Variants in ZRANB3 observed in about 807,000 individuals in gnomAD.
The protein encoded by ZRANB3 is zinc finger RANBP2-type containing 3.
Under a neutral mutation model 133.8 loss-of-function variants are expected in ZRANB3, and 125 were observed. The observed-to-expected ratio is 0.93, with a 90% confidence interval of 0.81 to 1.08. The LOEUF (loss-of-function observed/expected upper bound fraction) is 1.08. Among genes scored for constraint, ZRANB3 ranks in the 50% least tolerant of loss-of-function variants. The pLI, the probability that ZRANB3 is intolerant of heterozygous loss-of-function variation, is 0.00. For synonymous variants in ZRANB3, 387 were observed against 432.7 expected, an observed-to-expected ratio of 0.89 and a Z score of 1.31; for missense variants, 1,229 against 1,275.5, an observed-to-expected ratio of 0.96 and a Z score of 0.56.
chr2:135,209,677 T>C (rs1057484042), intron 17 of ZRANB3, among the ~76,000 whole-genome samples: 2 of 152,218 alleles, frequency 1.3e-5, no homozygotes, highest in African/African-American at 4.8e-5. Flanking sequence ...GTTGGTAAAA[T>C]GCAATTACCT....
chr2:135,404,600 A>G (rs1412328685), intron 2 of ZRANB3, among the ~76,000 whole-genome samples: 1 of 152,180 alleles, frequency 6.6e-6, no homozygotes, highest in East Asian at 1.9e-4. Context: ...AATACAGAGA[A>G]TGCTACAAAG....
At chr2:135,293,608 C>T (rs1182537493) in intron 8 of ZRANB3, among the ~76,000 whole-genome samples, 1 of 151,940 alleles carries the variant, frequency 6.6e-6, no homozygotes, top group African/African-American at 2.4e-5. Flanking sequence ...GCCTCATTGC[C>T]CTGGCCAGAA....
At position 135,230,930 on chromosome 2, in the gene ZRANB3, A is replaced by G; in HGVS notation, c.1540-3T>C. On this transcript the variant is annotated splice_region_variant and splice_polypyrimidine_tract_variant and intron_variant, in intron 12 of 20. Transcript: ENST00000264159. ...TCATGCTGTTTTTCTTTTTCGAACT[A>G]GGAAAAGCAAACAGTAGTTATCAAA... 1 of 1,538,044 alleles carries G rather than the reference A, an allele frequency of 6.5e-7. No homozygotes were observed. The highest frequency in any genetic ancestry group is 2.3e-5 in the East Asian group (1 of 44,134).
intron 2 of ZRANB3, among the ~76,000 whole-genome samples, chr2:135,492,157 A>C (rs1233006042): frequency 6.6e-6 from 1 of 152,200 alleles, no homozygotes; most frequent in East Asian, 1.9e-4. Context: ...ATTTTTAGGC[A>C]ACAGAAACCA....
At chr2:135,203,391 A>C (rs1693706189) in intron 19 of ZRANB3, among the ~76,000 whole-genome samples, 1 of 152,092 alleles carries the variant, frequency 6.6e-6, no homozygotes, top group Non-Finnish European at 1.5e-5. Context: ...AGGCCAGGGC[A>C]GGCGGATCAC....
intron 3 of ZRANB3, among the ~76,000 whole-genome samples, chr2:135,368,843 C>G (rs928505161): frequency 3.3e-5 from 5 of 151,674 alleles, no homozygotes; most frequent in African/African-American, 1.2e-4. Flanking sequence ...ATAAAATAAC[C>G]TAAAACGTAA....
intron 3 of ZRANB3, among the ~76,000 whole-genome samples, chr2:135,385,886 AC>A (rs1384808094): frequency 6.6e-6 from 1 of 152,182 alleles, no homozygotes; most frequent in Non-Finnish European, 1.5e-5. Flanking sequence ...AACCATAAAA[AC>A]CCTAGAAGAA....
At chr2:135,214,335 T>C (rs1054859599) in intron 17 of ZRANB3, among the ~76,000 whole-genome samples, 8 of 152,152 alleles carry the variant, frequency 5.3e-5, no homozygotes, top group Admixed American at 3.3e-4. Flanking sequence ...CTCTTAAAAA[T>C]ACAAATCTGA....
intron 2 of ZRANB3, among the ~76,000 whole-genome samples, chr2:135,412,895 T>C (rs1420139719): frequency 2.0e-5 from 3 of 152,184 alleles, no homozygotes; most frequent in Admixed American, 1.3e-4. Flanking sequence ...AAGGCAGTTC[T>C]TCTTAAAAAT....
intron 2 of ZRANB3, among the ~76,000 whole-genome samples, chr2:135,457,754 C>T (rs1690591711): frequency 6.6e-6 from 1 of 151,850 alleles, no homozygotes; most frequent in South Asian, 2.1e-4. Flanking sequence ...ATCCTTTGCC[C>T]ATTTTTTAAT....
chr2:135,412,720 T>TC (rs1388434691), intron 2 of ZRANB3, among the ~76,000 whole-genome samples: 1 of 151,958 alleles, frequency 6.6e-6, no homozygotes, highest in Non-Finnish European at 1.5e-5. Flanking sequence ...GTATACCTTT[T>TC]TTAAACCATC....
intron 3 of ZRANB3, among the ~76,000 whole-genome samples, chr2:135,365,626 G>C (rs949189043): frequency 5.9e-5 from 9 of 152,144 alleles, no homozygotes; most frequent in Non-Finnish European, 1.3e-4. Context: ...GTAAACAAAA[G>C]GGTGTTTCAA....
At chr2:135,303,990 G>T (rs6720726) in intron 8 of ZRANB3, among the ~76,000 whole-genome samples, 40,705 of 152,022 alleles carry the variant, frequency 0.27, 9,149 homozygotes, top group African/African-American at 0.6. Context: ...ATGAATTCTG[G>T]GACCTTGATA....
intron 2 of ZRANB3, among the ~76,000 whole-genome samples, chr2:135,447,408 G>C (rs1163468941): frequency 6.6e-6 from 1 of 152,100 alleles, no homozygotes; most frequent in African/African-American, 2.4e-5. Context: ...CTTATTCTCA[G>C]CCTGTTCATT....
At chr2:135,503,932 T>C (rs1250983337) in intron 2 of ZRANB3, among the ~76,000 whole-genome samples, 2 of 151,780 alleles carry the variant, frequency 1.3e-5, no homozygotes, top group African/African-American at 4.8e-5. Flanking sequence ...ATCGTACCAC[T>C]ACACTCCAGC....
At position 135,482,157 on chromosome 2, in the gene ZRANB3, G is replaced by T. The variant is rs1282306808; in HGVS notation, c.161+22172C>A. ...GTTTTTTCCAATTCTGTGAAGAAAG[G>T]CATTGGTAGCTTGATGGGGATGGCA... On this transcript the variant is annotated intron_variant, in intron 2 of 20. Coordinates refer to ENST00000264159, the MANE Select transcript of ZRANB3 (RefSeq NM_032143.4). Among the ~76,000 whole-genome samples, 214 of 139,284 alleles carry T rather than the reference G, an allele frequency of 1.5e-3. 1 individual carries two copies. Among genetic ancestry groups the T allele is most frequent in the African/African-American group, 6.2e-3 (199 of 32,208 alleles). 91.4% of individuals were successfully genotyped at this position (139,284 alleles called of 152,430 possible). A position where few individuals can be genotyped will look rare whatever the true frequency, so the allele number is the denominator to read the frequency against.
In ZRANB3 at chr2:135,455,171, CTTTTTTTTTTTTTTTT is replaced by C. The variant is rs1166170814; in HGVS notation, c.161+49142_161+49157del. 4.3e-4 allele frequency among the ~76,000 whole-genome samples: 16 copies of C among 37,594 alleles called. 1 individual carries two copies. In the East Asian group the frequency reaches 4.5e-3, roughly 10 times the overall value. 24.7% of individuals were successfully genotyped at this position (37,594 alleles called of 152,430 possible). On this transcript the variant is annotated intron_variant, in intron 2 of 20. Transcript: ENST00000264159. ...AATGGGATCACAATGCCTTCTTATACTTTTTTTTTTTTTTTTTTTTTTTTTTTTTTTTTTGAGACGG... is the reference window on the plus strand; with the variant it reads ...AATGGGATCACAATGCCTTCTTATACTTTTTTTTTTTTTTTTTTGAGACGG...
intron 1 of ZRANB3, among the ~76,000 whole-genome samples, chr2:135,521,534 A>AAAATAAAT (rs148536168): frequency 6.6e-6 from 1 of 152,172 alleles, no homozygotes; most frequent in Non-Finnish European, 1.5e-5. Context: ...CTTCGTCTCA[A>AAAATAAAT]AAATAAATAA....
intron 12 of ZRANB3, among the ~76,000 whole-genome samples, chr2:135,239,298 A>G (rs1558854718): frequency 6.6e-6 from 1 of 152,110 alleles, no homozygotes; most frequent in Non-Finnish European, 1.5e-5. Context: ...CTCTGGGGTA[A>G]TGGAAAATTT....
Sources: gnomAD v4.1 joint callset for allele counts (sites outside exome capture counted in the v4.1 genomes callset) on GRCh38, gnomAD v4.1.1 for gene constraint, MANE v1.5 for transcripts, NCBI Gene and HGNC (gene_info 2026-07-23, HGNC 2026-07-21) for gene names.